CDC5L: variants seen among roughly 807,000 people sequenced by gnomAD.
The protein encoded by CDC5L is cell division cycle 5-like protein.
Under a neutral mutation model 104.1 loss-of-function variants are expected in CDC5L, and 18 were observed. The ratio of observed to expected loss-of-function variants is 0.17; its 90% confidence interval spans 0.12 to 0.26. CDC5L has a LOEUF of 0.26. CDC5L is among the 10% of genes least tolerant of loss of function. CDC5L has a pLI of 1.00. For missense variants in CDC5L, 673 were observed against 956.9 expected (o/e 0.70, Z 3.91); for synonymous variants, 331 against 322.7 (o/e 1.03, Z -0.28).
At chr6:44,442,992 A>G (rs1198259609) in intron 14 of CDC5L, among the ~76,000 whole-genome samples, 1 of 98,808 alleles carries the variant, frequency 1.0e-5, no homozygotes, top group Non-Finnish European at 2.0e-5. Context: ...TGCTGGGTAT[A>G]GTATTCTTGG....
In CDC5L at chr6:44,406,098, C is replaced by T. The variant is rs182022117; in HGVS notation, c.759-225C>T. On this transcript the variant is annotated intron_variant, in intron 6 of 15. Transcript: ENST00000371477. ...TGTATTTTTAGTAGAGATGGGGTTT[C>T]GCCACGTTGGCCAGGCTGGTCTTGA... Among the ~76,000 whole-genome samples the T allele has an allele frequency of 4.9e-3, 742 of 152,106 alleles. 6 individuals carry two copies. The highest frequency in any genetic ancestry group is 0.017 in the Middle Eastern group (5 of 294).
At chr6:44,392,122 A>T (rs1179537584) in intron 2 of CDC5L, among the ~76,000 whole-genome samples, 1 of 152,228 alleles carries the variant, frequency 6.6e-6, no homozygotes, top group Non-Finnish European at 1.5e-5. Flanking sequence ...CCTGTCATCC[A>T]GCTAAGTAGA....
intron 10 of CDC5L, among the ~76,000 whole-genome samples, chr6:44,424,123 T>C (rs1000467661): frequency 6.6e-6 from 1 of 152,190 alleles, no homozygotes; most frequent in African/African-American, 2.4e-5. Context: ...TTTTTTCTCT[T>C]TCTGTAATTT....
rs3215907 is a variant in CDC5L at position 44,387,940 on chromosome 6, C to CGGG, written c.45+77_45+79dup. On this transcript the variant is annotated intron_variant, in intron 1 of 15. Transcript: ENST00000371477. ...AGCTTGTGCGCACGCGCGCGGAGGT[C>CGGG]GGGGGGGCGACGAGGAGACCCTGTG... The CGGG allele has an allele frequency of 1.5e-3, 2,216 of 1,464,414 alleles. 5 individuals carry two copies. The East Asian group carries it at 0.026, about 17-fold the overall frequency. 90.7% of individuals were successfully genotyped at this position (1,464,414 alleles called of 1,614,324 possible). A position where few individuals can be genotyped will look rare whatever the true frequency, so the allele number is the denominator to read the frequency against.
intron 7 of CDC5L, among the ~76,000 whole-genome samples, chr6:44,407,229 T>C (rs1463208549): frequency 6.6e-6 from 1 of 152,146 alleles, no homozygotes; most frequent in East Asian, 1.9e-4. Context: ...ATGTGGGAGT[T>C]GTGGAGAAAA....
intron 2 of CDC5L, among the ~76,000 whole-genome samples, chr6:44,391,131 GTTATATA>G (rs1050919465): frequency 4.2e-5 from 6 of 141,766 alleles, no homozygotes; most frequent in African/African-American, 5.3e-5. Flanking sequence ...TATTTAATAT[GTTATATA>G]TTATATATTA....
At chr6:44,437,231 T>C (rs1792979847) in intron 14 of CDC5L, among the ~76,000 whole-genome samples, 1 of 152,216 alleles carries the variant, frequency 6.6e-6, no homozygotes, top group South Asian at 2.1e-4. Context: ...CATTTCATGC[T>C]TGAGGTTTAT....
At chr6:44,408,679 C>T (rs1292770606) in intron 8 of CDC5L, 47 bp downstream of exon 8, 1 of 1,391,302 alleles carries the variant, frequency 7.2e-7, no homozygotes, top group South Asian at 1.4e-5. Context: ...GTTTATTGTC[C>T]TTAGAAGTAT....
intron 14 of CDC5L, among the ~76,000 whole-genome samples, chr6:44,442,151 G>C (rs569608235): frequency 1.3e-5 from 2 of 151,880 alleles, no homozygotes; most frequent in African/African-American, 4.8e-5. Flanking sequence ...TGGCCAGAAT[G>C]GTATTGATCT....
chr6:44,425,973 A>G lies in CDC5L; in HGVS notation c.1570-130A>G, dbSNP rs546145178. On this transcript the variant is annotated intron_variant, in intron 11 of 15. Coordinates refer to ENST00000371477, the MANE Select transcript of CDC5L (RefSeq NM_001253.4). ...TGTTGCCTTAGCATTGCCTTTCTACAAACTTAAACCGATTTCTAAACTTTA... is the reference window on the plus strand; with the variant it reads ...TGTTGCCTTAGCATTGCCTTTCTACGAACTTAAACCGATTTCTAAACTTTA... The G allele has an allele frequency of 1.1e-4, 59 of 561,168 alleles. No individual in the cohort carries two copies. The African/African-American group carries it at 1.1e-3, about 10-fold the overall frequency. 34.8% of individuals were successfully genotyped at this position (561,168 alleles called of 1,614,324 possible).
rs111483845 is a variant in CDC5L, at chr6:44,445,602, T to C, written c.2092-53T>C. On this transcript the variant is annotated intron_variant, in intron 14 of 15. Coordinates refer to ENST00000371477, the MANE Select transcript of CDC5L (RefSeq NM_001253.4). ...CATGGTACCTTTTTAGCCCTGTTAT[T>C]TAATAGCCTGCTTTTCTCATGTATG... The C allele has an allele frequency of 8.9e-6, 12 of 1,354,428 alleles. 1 individual carries two copies. In the East Asian group the frequency reaches 2.8e-4, roughly 31 times the overall value. The allele number at this position is 1,354,428 out of a possible 1,614,324, so 83.9% of individuals were successfully genotyped here. A position where few individuals can be genotyped will look rare whatever the true frequency, so the allele number is the denominator to read the frequency against.
chr6:44,414,447 T>C (rs192472799), intron 8 of CDC5L, among the ~76,000 whole-genome samples: 98 of 151,186 alleles, frequency 6.5e-4, no homozygotes, highest in Non-Finnish European at 1.5e-4. Flanking sequence ...TTTTTAGAAA[T>C]AGCTATTCAT....
chr6:44,400,851 G>GGCAA (rs1791089525), intron 5 of CDC5L, among the ~76,000 whole-genome samples: 1 of 152,178 alleles, frequency 6.6e-6, no homozygotes, highest in Non-Finnish European at 1.5e-5. Flanking sequence ...TGTTTACTGT[G>GGCAA]TTGTTTTCAA....
intron 14 of CDC5L, among the ~76,000 whole-genome samples, 181 bp from the exon 15 acceptor site, chr6:44,445,474 C>T (rs1793403587): frequency 2.0e-5 from 3 of 152,134 alleles, no homozygotes. Flanking sequence ...CTATAAAACC[C>T]TTTAGGTGCA....
chr6:44,393,944 G>T (rs1189528840), intron 4 of CDC5L, among the ~76,000 whole-genome samples: 3 of 152,208 alleles, frequency 2.0e-5, no homozygotes, highest in Non-Finnish European at 4.4e-5. Context: ...GAGATTATAG[G>T]TGTGAGCCAC....
rs1021115598 is a variant in CDC5L at position 44,449,920 on chromosome 6, A to C, written c.*3209A>C. ...TGCTCTCTCACCCAGGCTGGAGTGC[A>C]GTAGTGCAATCTTGGCCCACTGCAA... On this transcript the variant is annotated 3_prime_UTR_variant, in exon 16 of 16. Transcript: ENST00000371477. 2.1e-5 allele frequency: 3 copies of C among 145,664 alleles called. No homozygotes were observed. The highest frequency in any genetic ancestry group is 7.8e-5 in the African/African-American group (3 of 38,488). 9.0% of individuals were successfully genotyped at this position (145,664 alleles called of 1,614,324 possible).
chr6:44,406,558 T>C, intron 7 of CDC5L, 91 bp downstream of exon 7: 5 of 1,117,114 alleles, frequency 4.5e-6, no homozygotes, highest in Non-Finnish European at 6.6e-6. Context: ...GTACCAGGTT[T>C]GTGCTGGATG....
intron 5 of CDC5L, among the ~76,000 whole-genome samples, chr6:44,397,713 T>C (rs370470387): frequency 6.6e-6 from 1 of 152,246 alleles, no homozygotes; most frequent in South Asian, 2.1e-4. Context: ...ACAGGAAACT[T>C]GGCTGAACAA....
rs34699363 is a variant in CDC5L at position 44,393,530 on chromosome 6, A to G, written c.396A>G (p.Pro132=). 3.1e-4 allele frequency: 498 copies of G among 1,614,136 alleles called. 2 individuals are homozygous for G. The African/African-American group carries it at 5.9e-3, about 19-fold the overall frequency. The part of the protein sequence containing the change: ...KLKPGEIDPN[P]ETKPARPDPI... ...AACCTGGAGAAATAGATCCAAATCC[A>G]GAAACAAAACCAGCGCGGCCTGATC... The change falls in exon 4 of 16, where the codon CCA becomes CCG. Residue 132 remains proline (P), a synonymous_variant. Transcript: ENST00000371477.
Sources: allele counts gnomAD v4.1 joint callset (sites outside exome capture counted in the v4.1 genomes callset), GRCh38; gene constraint gnomAD v4.1.1; transcripts MANE v1.5; gene names NCBI Gene and HGNC (gene_info 2026-07-23, HGNC 2026-07-21).